Variants in SAP18 observed in about 807,000 individuals in gnomAD.
The protein encoded by SAP18 is Sin3A associated protein 18, also known as histone deacetylase complex subunit SAP18.
SAP18 carries 4 observed loss-of-function variants against 18.6 expected under a neutral mutation model. The ratio of observed to expected loss-of-function variants is 0.21; its 90% CI spans 0.11 to 0.49. The LOEUF is 0.49. SAP18 is among the 20% of genes least tolerant of loss of function. SAP18 has a pLI of 0.98. For missense variants in SAP18, 170 were observed against 226.4 expected (o/e 0.75, Z 1.60); for synonymous variants, 112 against 82.8 (o/e 1.35, Z -1.92).
chr13:21,144,929 A>G (rs958932326), intron 2 of SAP18, among the ~76,000 whole-genome samples: 1 of 152,212 alleles, frequency 6.6e-6, no homozygotes, highest in Admixed American at 6.5e-5. Flanking sequence ...TCTGGTATAT[A>G]TCATCATAAG....
intron 2 of SAP18, among the ~76,000 whole-genome samples, chr13:21,143,228 A>T (rs1397410110): frequency 6.6e-6 from 1 of 152,120 alleles, no homozygotes; most frequent in East Asian, 1.9e-4. Context: ...TTGGGTATGT[A>T]CCTAGGAGGG....
exon 4 of SAP18, chr13:21,148,815 A>G (rs1054108795): frequency 6.6e-6 from 1 of 152,218 alleles, no homozygotes; most frequent in Admixed American, 6.5e-5. Context: ...GGTAGGAACT[A>G]AATAAAGGAC....
chr13:21,144,537 C>T (rs1336466963), intron 2 of SAP18, among the ~76,000 whole-genome samples: 2 of 151,848 alleles, frequency 1.3e-5, no homozygotes. Context: ...GCTCTTAGGG[C>T]CTTTCAACTA....
intron 3 of SAP18, 108 bp from the exon 4 acceptor site, chr13:21,147,078 G>A: frequency 1.4e-6 from 2 of 1,441,332 alleles, no homozygotes; most frequent in East Asian, 2.3e-5. Context: ...TTAAATTTTG[G>A]AAGTGTGTTA....
exon 4 of SAP18, chr13:21,147,412 CCT>C (rs1360368568): frequency 8.8e-6 from 12 of 1,356,498 alleles, no homozygotes; most frequent in East Asian, 2.3e-5. Context: ...TTCTTCCTCC[CCT>C]GATTATTGCC....
chr13:21,146,070 C>T (rs1869639730), intron 2 of SAP18, among the ~76,000 whole-genome samples: 1 of 152,174 alleles, frequency 6.6e-6, no homozygotes, highest in Non-Finnish European at 1.5e-5. Context: ...TGGCTGGGCG[C>T]AGTGGCTCAC....
At chr13:21,140,818 G>A in intron 1 of SAP18, 68 bp from the exon 2 acceptor site, 2 of 1,571,570 alleles carry the variant, frequency 1.3e-6, no homozygotes, top group Non-Finnish European at 1.8e-6. Flanking sequence ...GCCTCGGGAA[G>A]AGAGATGAGC....
upstream of SAP18, chr13:21,140,506 G>A (rs752852568): frequency 5.8e-5 from 90 of 1,539,356 alleles, no homozygotes; most frequent in Middle Eastern, 4.1e-4. Context: ...CCAGCCCCTG[G>A]CCGACTATAA....
intron 2 of SAP18, chr13:21,141,342 C>T (rs1869458119): frequency 3.2e-6 from 1 of 314,184 alleles, no homozygotes; most frequent in Non-Finnish European, 6.1e-6. Context: ...TGCACTAGGA[C>T]AACATGGTAA....
chr13:21,144,775 T>A (rs1212888919), intron 2 of SAP18, among the ~76,000 whole-genome samples: 2 of 152,192 alleles, frequency 1.3e-5, no homozygotes, highest in African/African-American at 4.8e-5. Flanking sequence ...CTCCAATTGT[T>A]GGTCTGGAAA....
intron 2 of SAP18, among the ~76,000 whole-genome samples, chr13:21,145,367 A>G (rs934019532): frequency 6.6e-6 from 1 of 152,140 alleles, no homozygotes; most frequent in African/African-American, 2.4e-5. Context: ...AAAATTCTAA[A>G]ATTTGAAAAA....
At chr13:21,144,694 A>G (rs1053714721) in intron 2 of SAP18, among the ~76,000 whole-genome samples, 6 of 152,168 alleles carry the variant, frequency 3.9e-5, no homozygotes, top group African/African-American at 7.2e-5. Flanking sequence ...AGCTTCGTCA[A>G]GCTGACACAA....
chr13:21,140,862 C>G (rs769888253), intron 1 of SAP18, 24 bp from the exon 2 acceptor site: 57 of 1,600,702 alleles, frequency 3.6e-5, no homozygotes, highest in Non-Finnish European at 4.7e-5. Flanking sequence ...TAACTTCTGC[C>G]CTTCCGTTTT....
chr13:21,147,552 G>A, exon 4 of SAP18: 7 of 546,474 alleles, frequency 1.3e-5, no homozygotes, highest in Non-Finnish European at 2.3e-5. Flanking sequence ...GAAGAAAAGT[G>A]CTCTTAGCAT....
intron 2 of SAP18, 94 bp from the exon 3 acceptor site, chr13:21,146,711 T>C: frequency 1.0e-6 from 1 of 987,132 alleles, no homozygotes; most frequent in Non-Finnish European, 1.4e-6. Context: ...AAATCACAAC[T>C]CAGATATATG....
At position 21,140,686 on chromosome 13, in the gene SAP18, A is replaced by G; in HGVS notation, c.129+5A>G. 6.2e-7 allele frequency: 1 copy of G among 1,610,124 alleles called. No individual in the cohort carries two copies. The highest frequency in any genetic ancestry group is 8.5e-7 in the Non-Finnish European group (1 of 1,177,762). On this transcript the variant is annotated splice_donor_5th_base_variant and intron_variant, in intron 1 of 3. Coordinates refer to ENST00000621421, the Ensembl canonical transcript of SAP18. ...AAACCGATCGACCGCGAGAAGGTGA[A>G]GGCCCCCTCCGCTTTGGGGTCCGGG...
intron 2 of SAP18, among the ~76,000 whole-genome samples, chr13:21,144,070 T>C (rs532661625): frequency 4.6e-5 from 7 of 152,202 alleles, no homozygotes; most frequent in East Asian, 1.9e-4. Flanking sequence ...CCAAAGTCAA[T>C]CAGGGCTCAG....
intron 2 of SAP18, among the ~76,000 whole-genome samples, chr13:21,144,731 C>G (rs998279458): frequency 7.9e-5 from 12 of 152,144 alleles, no homozygotes; most frequent in Non-Finnish European, 1.6e-4. Flanking sequence ...TGTCCTCAAG[C>G]TTCTGACTAG....
exon 4 of SAP18, chr13:21,147,257 A>C: frequency 6.2e-7 from 1 of 1,614,168 alleles, no homozygotes. Flanking sequence ...CAGTCGCAGA[A>C]GTTCCAGATA....
Sources: gnomAD v4.1 joint callset for allele counts (sites outside exome capture counted in the v4.1 genomes callset) on GRCh38, gnomAD v4.1.1 for gene constraint, MANE v1.5 for transcripts, NCBI Gene and HGNC (gene_info 2026-07-23, HGNC 2026-07-21) for gene names.